The following ANK3 variants were observed in gnomAD, a reference collection of about 807,000 sequenced individuals.
ANK3 encodes the protein ankyrin-3.
A neutral mutation model predicts 370.9 loss-of-function variants in ANK3; 57 were observed. The observed-to-expected ratio is 0.15, with a 90% CI of 0.12 to 0.19. ANK3 has a LOEUF of 0.19. Among genes scored for constraint, ANK3 ranks in the 10% least tolerant of loss-of-function variants. The probability of loss-of-function intolerance (pLI) is 1.00; values close to 1 mark genes in which losing one functional copy is unlikely to be tolerated. For synonymous variants in ANK3, 1,929 were observed against 1,946.3 expected (o/e 0.99, Z 0.23); for missense variants, 4,439 against 5,302.1 (o/e 0.84, Z 5.06).
chr10:60,535,475 T>C (rs1023326743), intron 2 of ANK3, among the ~76,000 whole-genome samples: 1 of 152,054 alleles, frequency 6.6e-6, no homozygotes, highest in Non-Finnish European at 1.5e-5. Context: ...ATATGCCAAA[T>C]ACATACTGGT....
intron 2 of ANK3, among the ~76,000 whole-genome samples, chr10:60,563,106 C>T (rs1038481793): frequency 1.3e-5 from 2 of 152,072 alleles, no homozygotes; most frequent in African/African-American, 4.8e-5. Context: ...TGATAAATCA[C>T]AATTCATTAA....
Position 60,114,311 on chromosome 10 carries a change from T to C in ANK3, c.2862A>G (p.Glu954=), listed in dbSNP as rs766639987. 6.2e-7 allele frequency: 1 copy of C among 1,604,776 alleles called. No homozygotes were observed. The highest frequency in any genetic ancestry group is 1.7e-5 in the Admixed American group (1 of 58,710). Residue 954 remains glutamate (E), a synonymous_variant, in exon 26 of 44, where the codon GAA becomes GAG. Transcript: ENST00000280772. Reference sequence around the variant, plus strand: ...AATGTCTAAGAGAATCTGAATCAAATTCCCTTGTGAATGTTAGATGCTGAA... The same window carrying C: ...AATGTCTAAGAGAATCTGAATCAAACTCCCTTGTGAATGTTAGATGCTGAA... ...SKEQHLTFTR[E]FDSDSLRHYS... is the part of the protein sequence containing the mutation.
intron 2 of ANK3, among the ~76,000 whole-genome samples, chr10:60,506,692 A>G (rs1199910337): frequency 6.6e-6 from 1 of 152,102 alleles, no homozygotes; most frequent in Non-Finnish European, 1.5e-5. Flanking sequence ...GGGTCAAAGC[A>G]TAATGTTGAT....
At chr10:60,427,580 A>T (rs2063917315) in intron 2 of ANK3, among the ~76,000 whole-genome samples, 2 of 152,166 alleles carry the variant, frequency 1.3e-5, no homozygotes, top group South Asian at 2.1e-4. Context: ...AGTGGCACAT[A>T]TCAGAATCAA....
intron 1 of ANK3, among the ~76,000 whole-genome samples, chr10:60,659,724 T>C (rs1404499107): frequency 2.0e-5 from 3 of 152,038 alleles, no homozygotes; most frequent in South Asian, 2.1e-4. Flanking sequence ...AGGTACATTG[T>C]TGTAAATATA....
rs115297180 is a variant in ANK3 at position 60,058,586 on chromosome 10, A to T, written c.12686+754T>A. 4.0e-3 allele frequency among the ~76,000 whole-genome samples: 608 copies of T among 152,320 alleles called. 4 individuals are homozygous for T. Among genetic ancestry groups the T allele is most frequent in the African/African-American group, 0.014 (588 of 41,576 alleles). On this transcript the variant is annotated intron_variant, in intron 41 of 43. Coordinates refer to ENST00000280772, the MANE Select transcript of ANK3 (RefSeq NM_020987.5). Reference sequence around the variant, plus strand: ...CTGCACTTTTTACATTAAGACATTTAAAAAATCATGCGTAGAAGAAAATCC... The same window carrying T: ...CTGCACTTTTTACATTAAGACATTTTAAAAATCATGCGTAGAAGAAAATCC...
intron 28 of ANK3, among the ~76,000 whole-genome samples, chr10:60,091,445 T>C (rs2088373196): frequency 3.1e-4 from 2 of 6,544 alleles, no homozygotes; most frequent in Admixed American, 1.6e-3. Context: ...TTTATTCTAA[T>C]AGGGGATAAA....
chr10:60,629,491 A>T (rs2078454187), intron 1 of ANK3, among the ~76,000 whole-genome samples: 1 of 152,178 alleles, frequency 6.6e-6, no homozygotes, highest in African/African-American at 2.4e-5. Context: ...GATGATATTG[A>T]AAAATACATA....
chr10:60,594,439 C>T (rs539857321), intron 2 of ANK3, among the ~76,000 whole-genome samples: 19 of 152,192 alleles, frequency 1.2e-4, no homozygotes, highest in South Asian at 2.1e-4. Context: ...TGAACTTCTT[C>T]GAAAAATCTG....
intron 1 of ANK3, among the ~76,000 whole-genome samples, chr10:60,284,193 G>A (rs116768174): frequency 0.032 from 4,877 of 152,148 alleles, 242 homozygotes; most frequent in African/African-American, 0.11. Flanking sequence ...CTCAAGGCAG[G>A]GACCACCAGA....
intron 1 of ANK3, among the ~76,000 whole-genome samples, chr10:60,732,903 G>C (rs576181561): frequency 6.6e-6 from 1 of 151,844 alleles, no homozygotes; most frequent in Non-Finnish European, 1.5e-5. Flanking sequence ...GCCCCAAGAC[G>C]AGAGACCGAG....
At chr10:60,531,455 G>A (rs1178316019) in intron 2 of ANK3, among the ~76,000 whole-genome samples, 4 of 151,978 alleles carry the variant, frequency 2.6e-5, no homozygotes, top group Non-Finnish European at 5.9e-5. Context: ...CTCTGGTGAG[G>A]GAAAATCAGT....
intron 43 of ANK3, among the ~76,000 whole-genome samples, chr10:60,032,190 G>GTTTTTTTTTTTTT (rs2073754024): frequency 1.7e-5 from 1 of 60,096 alleles, no homozygotes; most frequent in Non-Finnish European, 4.2e-5. Flanking sequence ...TAAATACACA[G>GTTTTTTTTTTTTT]CTTCTTTTTT....
chr10:60,626,298 A>T (rs1320887035), intron 1 of ANK3, among the ~76,000 whole-genome samples: 2 of 152,218 alleles, frequency 1.3e-5, no homozygotes, highest in Non-Finnish European at 2.9e-5. Context: ...TTTAAAAAAC[A>T]AATTTGTGAT....
intron 25 of ANK3, among the ~76,000 whole-genome samples, chr10:60,127,379 C>T (rs528364045): frequency 6.3e-4 from 96 of 152,218 alleles, no homozygotes; most frequent in African/African-American, 1.8e-3. Flanking sequence ...GGCACTGCCA[C>T]GGAAATGGGT....
chr10:60,072,029 C>T lies in ANK3; in HGVS notation c.8852G>A (p.Arg2951Lys). Reference sequence around the variant, plus strand: ...GTGTGACACTGCTGAGCTCTCGCTCCTCCTGGAAGGCTGATCAAGCAATCC... The same window carrying T: ...GTGTGACACTGCTGAGCTCTCGCTCTTCCTGGAAGGCTGATCAAGCAATCC... Reference protein sequence around the residue: ...PGGLLDQPSRRSESSAVSHIP... With the variant: ...PGGLLDQPSRKSESSAVSHIP... Residue 2951 changes from arginine to lysine, a missense_variant, in exon 37 of 44, where the codon AGG (arginine) becomes AAG (lysine). Coordinates refer to ENST00000280772, the MANE Select transcript of ANK3 (RefSeq NM_020987.5). The T allele has an allele frequency of 6.2e-7, 1 of 1,614,096 alleles. No homozygotes were observed. The highest frequency in any genetic ancestry group is 8.5e-7 in the Non-Finnish European group (1 of 1,180,000).
intron 43 of ANK3, among the ~76,000 whole-genome samples, chr10:60,041,212 G>A (rs1195309246): frequency 6.6e-6 from 1 of 152,210 alleles, no homozygotes; most frequent in Non-Finnish European, 1.5e-5. Flanking sequence ...TAGAGCGAGT[G>A]ATGCAGAACA....
In ANK3 at chr10:60,546,834, C is replaced by T. The variant is rs373211979; in HGVS notation, c.96+68352G>A. ...TAACATCAGGCCACTCTATGAGAGG[C>T]AGATCCTCTCATAGTGCTTCCCAGT... On this transcript the variant is annotated intron_variant, in intron 2 of 43. Transcript: ENST00000373827. 6.6e-4 allele frequency among the ~76,000 whole-genome samples: 101 copies of T among 152,236 alleles called. 1 individual carries two copies. Among genetic ancestry groups the T allele is most frequent in the African/African-American group, 2.2e-3 (93 of 41,546 alleles).
intron 1 of ANK3, among the ~76,000 whole-genome samples, chr10:60,345,980 A>G (rs2055374208): frequency 6.6e-6 from 1 of 152,116 alleles, no homozygotes; most frequent in South Asian, 2.1e-4. Context: ...TTAATATATA[A>G]TAGAGGTGGA....
Sources: allele counts gnomAD v4.1 joint callset (sites outside exome capture counted in the v4.1 genomes callset), GRCh38; gene constraint gnomAD v4.1.1; transcripts MANE v1.5; gene names NCBI Gene and HGNC (gene_info 2026-07-23, HGNC 2026-07-21).